The following PPIP5K2 variants were observed in gnomAD, a reference collection of about 807,000 sequenced individuals.
PPIP5K2 encodes diphosphoinositol pentakisphosphate kinase 2, also known as inositol hexakisphosphate and diphosphoinositol-pentakisphosphate kinase 2.
Under a neutral mutation model 154.6 loss-of-function variants are expected in PPIP5K2, and 105 were observed. The observed-to-expected ratio is 0.68, with a 90% CI of 0.58 to 0.80. The LOEUF is 0.80. Ranked by LOEUF, PPIP5K2 falls within the 30% of genes least tolerant of loss-of-function variation. PPIP5K2 has a pLI of 0.00. For synonymous variants in PPIP5K2, 480 were observed against 490.3 expected, an observed-to-expected ratio of 0.98 and a Z score of 0.28; for missense variants, 992 against 1,504.6, an observed-to-expected ratio of 0.66 and a Z score of 5.64.
intron 17 of PPIP5K2, among the ~76,000 whole-genome samples, chr5:103,163,008 G>A (rs573402252): frequency 1.3e-5 from 2 of 149,102 alleles, no homozygotes; most frequent in African/African-American, 4.9e-5. Flanking sequence ...ATCTGTTTCT[G>A]GACCCTGTAT....
chr5:103,209,964 A>T lies in PPIP5K2; in HGVS notation c.*8330A>T, dbSNP rs917038012. 6.6e-6 allele frequency: 1 copy of T among 152,148 alleles called. No homozygotes were observed. Among genetic ancestry groups the T allele is most frequent in the Non-Finnish European group, 1.5e-5 (1 of 68,014 alleles). The allele number at this position is 152,148 out of a possible 1,614,324, so 9.4% of individuals were successfully genotyped here. ...ACAATGCCTGTACTCAAAAGTCATG[A>T]CAATAAAATGAGACCTGGGAGTCCC... is the stretch of plus-strand genomic sequence containing the variant. On this transcript the variant is annotated 3_prime_UTR_variant, in exon 31 of 31. Transcript: ENST00000358359.
chr5:103,180,003 T>C lies in PPIP5K2; in HGVS notation c.2755-18T>C. Reference sequence around the variant, plus strand: ...TTAAATCTGAATAGTAAAAGTGTTTTATATTCTTTGCTCACAGAATGAAGG... The same window carrying C: ...TTAAATCTGAATAGTAAAAGTGTTTCATATTCTTTGCTCACAGAATGAAGG... On this transcript the variant is annotated intron_variant, in intron 23 of 30. Transcript: ENST00000358359. 1.3e-6 allele frequency: 2 copies of C among 1,513,464 alleles called. No individual in the cohort carries two copies. 93.8% of individuals were successfully genotyped at this position (1,513,464 alleles called of 1,614,324 possible).
At chr5:103,193,913 C>A (rs1801656972) in intron 29 of PPIP5K2, among the ~76,000 whole-genome samples, 1 of 152,136 alleles carries the variant, frequency 6.6e-6, no homozygotes, top group South Asian at 2.1e-4. Flanking sequence ...CCTACTTCTC[C>A]TTTTTACACC....
chr5:103,130,136 A>T (rs782354686), intron 2 of PPIP5K2, among the ~76,000 whole-genome samples: 1 of 152,148 alleles, frequency 6.6e-6, no homozygotes, highest in Non-Finnish European at 1.5e-5. Flanking sequence ...AACCGAAGAT[A>T]CTCATATTTA....
chr5:103,186,527 C>A, intron 27 of PPIP5K2, 88 bp downstream of exon 27: 1 of 1,548,838 alleles, frequency 6.5e-7, no homozygotes, highest in Non-Finnish European at 8.8e-7. Flanking sequence ...TCTAAGGCCA[C>A]TGACTGATTC....
chr5:103,155,953 A>G lies in PPIP5K2; in HGVS notation c.1448A>G (p.Tyr483Cys), dbSNP rs1215126726. 1.9e-6 allele frequency: 3 copies of G among 1,604,540 alleles called. No homozygotes were observed. The highest frequency in any genetic ancestry group is 2.6e-6 in the Non-Finnish European group (3 of 1,171,624). ...ATAAATCGTAAGGTTCAGTTGACCT[A>G]TCTCCCTCATGGTTGTCCTAAAACA... is the stretch of plus-strand genomic sequence containing the variant. ...SGINRKVQLT[Y>C]LPHGCPKTSS... The change falls in exon 14 of 31, where the codon TAT (tyrosine) becomes TGT (cysteine). Residue 483 changes from tyrosine (Y) to cysteine (C), a missense_variant. Tyr to Cys is a radical substitution (Grantham distance 194). Coordinates refer to ENST00000358359, the MANE Select transcript of PPIP5K2 (RefSeq NM_001276277.3).
chr5:103,177,570 G>T (rs1009862835), intron 21 of PPIP5K2, 97 bp from the exon 22 acceptor site: 1 of 704,432 alleles, frequency 1.4e-6, no homozygotes, highest in Non-Finnish European at 2.3e-6. Context: ...ACTTTATGTG[G>T]TATCACTAGG....
intron 3 of PPIP5K2, 93 bp downstream of exon 3, chr5:103,133,741 T>A: frequency 2.8e-6 from 3 of 1,061,530 alleles, no homozygotes; most frequent in Non-Finnish European, 3.9e-6. Context: ...AACAGAAAAA[T>A]AAACATTAAC....
rs1243009730 is a variant in PPIP5K2 at position 103,129,567 on chromosome 5, T to C, written c.-23T>C. ...GTTTTAATATAAATCATTTCAATTA[T>C]ATCTACATCAAATAAAATAAAAATG... On this transcript the variant is annotated 5_prime_UTR_variant, in exon 2 of 31. Coordinates refer to ENST00000358359, the MANE Select transcript of PPIP5K2 (RefSeq NM_001276277.3). 1 of 1,541,872 alleles carries C rather than the reference T, an allele frequency of 6.5e-7. No individual in the cohort carries two copies. Among genetic ancestry groups the C allele is most frequent in the Non-Finnish European group, 8.7e-7 (1 of 1,150,106 alleles).
intron 28 of PPIP5K2, 39 bp from the exon 29 acceptor site, chr5:103,190,799 TATCC>T (rs782533851): frequency 6.6e-7 from 1 of 1,517,370 alleles, no homozygotes; most frequent in Non-Finnish European, 8.9e-7. Flanking sequence ...ATTTTTAAAA[TATCC>T]ATCTTTTATT....
In PPIP5K2 at chr5:103,210,560, A is replaced by G. The variant is rs1302025974; in HGVS notation, c.*8926A>G. ...TGGTAGAGCTATGTAGTGGTAGACT[A>G]TCTGGGAGACTCTAGAATCTTTACC... is the stretch of plus-strand genomic sequence containing the variant. On this transcript the variant is annotated 3_prime_UTR_variant, in exon 31 of 31. Coordinates refer to ENST00000358359, the MANE Select transcript of PPIP5K2 (RefSeq NM_001276277.3). 6.6e-6 allele frequency: 1 copy of G among 152,046 alleles called. No homozygotes were observed. Among genetic ancestry groups the G allele is most frequent in the Non-Finnish European group, 1.5e-5 (1 of 67,982 alleles). 9.4% of individuals were successfully genotyped at this position (152,046 alleles called of 1,614,324 possible).
At position 103,148,337 on chromosome 5, in the gene PPIP5K2, T is replaced by C. The variant is rs1421309533; in HGVS notation, c.744+305T>C. 1.6e-5 allele frequency: 5 copies of C among 305,368 alleles called. No individual in the cohort carries two copies. In the East Asian group the frequency reaches 4.2e-4, roughly 26 times the overall value. 18.9% of individuals were successfully genotyped at this position (305,368 alleles called of 1,614,324 possible). On this transcript the variant is annotated intron_variant, in intron 7 of 30. Coordinates refer to ENST00000358359, the MANE Select transcript of PPIP5K2 (RefSeq NM_001276277.3). The stretch of plus-strand genomic sequence containing the variant: ...ACATAATATGTCTTTAAAGGGGCAT[T>C]AAATAATAAGATACCAGGGATAAAG...
intron 19 of PPIP5K2, among the ~76,000 whole-genome samples, chr5:103,172,271 A>C (rs1798089318): frequency 6.6e-6 from 1 of 151,532 alleles, no homozygotes; most frequent in Non-Finnish European, 1.5e-5. Context: ...GTAAATGACC[A>C]CAGGAAGTCC....
intron 5 of PPIP5K2, among the ~76,000 whole-genome samples, chr5:103,145,127 A>C (rs1554208730): frequency 6.6e-6 from 1 of 152,166 alleles, no homozygotes; most frequent in African/African-American, 2.4e-5. Context: ...AGGAAGACAT[A>C]CAAATGGCCA....
intron 29 of PPIP5K2, among the ~76,000 whole-genome samples, chr5:103,193,251 A>T (rs1014328163): frequency 6.6e-6 from 1 of 152,088 alleles, no homozygotes. Flanking sequence ...AAAGTTTTTG[A>T]ATCATGTATT....
At chr5:103,200,864 C>T (rs1802871006) in intron 30 of PPIP5K2, among the ~76,000 whole-genome samples, 1 of 151,982 alleles carries the variant, frequency 6.6e-6, no homozygotes, top group African/African-American at 2.4e-5. Flanking sequence ...TCTTGAACTT[C>T]TGGGCTCAAG....
chr5:103,202,804 A>T lies in PPIP5K2; in HGVS notation c.*1170A>T, dbSNP rs782045204. 8 of 152,154 alleles carry T rather than the reference A, an allele frequency of 5.3e-5. No homozygotes were observed. Among genetic ancestry groups the T allele is most frequent in the Non-Finnish European group, 8.8e-5 (6 of 67,998 alleles). 9.4% of individuals were successfully genotyped at this position (152,154 alleles called of 1,614,324 possible). A position where few individuals can be genotyped will look rare whatever the true frequency, so the allele number is the denominator to read the frequency against. On this transcript the variant is annotated 3_prime_UTR_variant, in exon 31 of 31. Coordinates refer to ENST00000358359, the MANE Select transcript of PPIP5K2 (RefSeq NM_001276277.3). ...AATGGGACAATCTGATAAGAATTTC[A>T]TGCATTGGTAGTTAAATAACTTAAA...
intron 1 of PPIP5K2, among the ~76,000 whole-genome samples, chr5:103,127,425 C>T (rs1424039990): frequency 1.3e-5 from 2 of 152,140 alleles, no homozygotes; most frequent in Non-Finnish European, 2.9e-5. Flanking sequence ...CTAAAAGCTC[C>T]TTAAGGAAAA....
rs1028022456 is a variant in PPIP5K2 at position 103,207,961 on chromosome 5, C to A, written c.*6327C>A. On this transcript the variant is annotated 3_prime_UTR_variant, in exon 31 of 31. Coordinates refer to ENST00000358359, the MANE Select transcript of PPIP5K2 (RefSeq NM_001276277.3). The stretch of plus-strand genomic sequence containing the variant: ...CAGGTTTATTTTCAAGTATTACTTA[C>A]CTTTATATGAGATAAATTTCTTTCT... 1 of 151,938 alleles carries A rather than the reference C, an allele frequency of 6.6e-6. No individual in the cohort carries two copies. Among genetic ancestry groups the A allele is most frequent in the Non-Finnish European group, 1.5e-5 (1 of 68,004 alleles). The allele number at this position is 151,938 out of a possible 1,614,324, so 9.4% of individuals were successfully genotyped here. A position where few individuals can be genotyped will look rare whatever the true frequency, so the allele number is the denominator to read the frequency against.
Sources: gnomAD v4.1 joint callset for allele counts (sites outside exome capture counted in the v4.1 genomes callset) on GRCh38, gnomAD v4.1.1 for gene constraint, MANE v1.5 for transcripts, NCBI Gene and HGNC (gene_info 2026-07-23, HGNC 2026-07-21) for gene names.